The following DACH1 variants were observed in gnomAD, a reference collection of about 807,000 sequenced individuals.
DACH1 encodes dachshund homolog 1.
DACH1 carries 12 observed loss-of-function variants against 54.2 expected under a neutral mutation model. The observed-to-expected ratio is 0.22, with a 90% CI of 0.14 to 0.36. The LOEUF (loss-of-function observed/expected upper bound fraction) is 0.36, where lower values mean the gene tolerates loss of function less well. Ranked by LOEUF, DACH1 falls within the 10% of genes least tolerant of loss-of-function variation. The pLI is 1.00. For synonymous variants in DACH1, 386 were observed against 366.2 expected (o/e 1.05, Z -0.62); for missense variants, 805 against 929.8 (o/e 0.87, Z 1.75).
chr13:71,627,121 A>T (rs957654825), intron 3 of DACH1, among the ~76,000 whole-genome samples: 1 of 151,948 alleles, frequency 6.6e-6, no homozygotes, highest in Non-Finnish European at 1.5e-5. Context: ...TAAAATTGGG[A>T]TATAAAATAA....
At chr13:71,777,746 GTTTAAT>G (rs1886124277) in intron 1 of DACH1, among the ~76,000 whole-genome samples, 1 of 151,954 alleles carries the variant, frequency 6.6e-6, no homozygotes, top group South Asian at 2.1e-4. Flanking sequence ...TTTGTCAGAC[GTTTAAT>G]TTTAAGTATT....
intron 1 of DACH1, among the ~76,000 whole-genome samples, chr13:71,739,585 T>C (rs1000842256): frequency 1.3e-5 from 2 of 151,854 alleles, no homozygotes; most frequent in Admixed American, 1.3e-4. Flanking sequence ...AGACTGTCAG[T>C]TTGCACTATC....
intron 1 of DACH1, among the ~76,000 whole-genome samples, chr13:71,819,855 A>G (rs1888116613): frequency 6.6e-6 from 1 of 152,186 alleles, no homozygotes. Context: ...TCAGATATTG[A>G]CAAGGACTCA....
intron 3 of DACH1, chr13:71,573,286 T>C (rs1251887581): frequency 3.2e-6 from 2 of 616,352 alleles, no homozygotes; most frequent in South Asian, 2.0e-5. Flanking sequence ...CTTAAAATAC[T>C]AGGGTTTTCT....
intron 6 of DACH1, among the ~76,000 whole-genome samples, chr13:71,508,753 C>T (rs994620098): frequency 1.3e-5 from 2 of 152,118 alleles, no homozygotes; most frequent in Non-Finnish European, 2.9e-5. Flanking sequence ...CAGGCAGGAG[C>T]CACTGCACCT....
At chr13:71,510,413 A>G (rs944326155) in intron 6 of DACH1, among the ~76,000 whole-genome samples, 1 of 151,974 alleles carries the variant, frequency 6.6e-6, no homozygotes, top group Non-Finnish European at 1.5e-5. Context: ...AAAATGTTCA[A>G]AAAATGAACA....
intron 10 of DACH1, among the ~76,000 whole-genome samples, chr13:71,472,672 G>A (rs987376589): frequency 2.6e-5 from 4 of 151,344 alleles, no homozygotes; most frequent in African/African-American, 7.4e-5. Context: ...GACAGTTGGA[G>A]AGAGAAAGTG....
intron 3 of DACH1, among the ~76,000 whole-genome samples, chr13:71,622,069 T>C (rs972405759): frequency 1.4e-5 from 2 of 143,912 alleles, no homozygotes; most frequent in African/African-American, 5.9e-5. Flanking sequence ...CATTATTTCA[T>C]CTTAATGAAT....
intron 1 of DACH1, among the ~76,000 whole-genome samples, chr13:71,789,073 T>C (rs1328168701): frequency 6.6e-6 from 1 of 152,182 alleles, no homozygotes; most frequent in African/African-American, 2.4e-5. Flanking sequence ...AATCAGTCTG[T>C]ATTCAGTTCA....
At chr13:71,832,635 A>AT (rs929527608) in intron 1 of DACH1, among the ~76,000 whole-genome samples, 10 of 151,842 alleles carry the variant, frequency 6.6e-5, no homozygotes, top group East Asian at 5.8e-4. Context: ...AACTACCTAA[A>AT]TTTTTTTTGT....
At chr13:71,657,644 T>C (rs2138643097) in intron 2 of DACH1, among the ~76,000 whole-genome samples, 1 of 152,190 alleles carries the variant, frequency 6.6e-6, no homozygotes, top group Non-Finnish European at 1.5e-5. Flanking sequence ...TTTGACTTTC[T>C]AGTGGAGACC....
At chr13:71,756,524 G>GAA (rs573318084) in intron 1 of DACH1, among the ~76,000 whole-genome samples, 34,886 of 145,690 alleles carry the variant, frequency 0.24, 4,561 homozygotes, top group Non-Finnish European at 0.3. Context: ...TCAAAACAAT[G>GAA]AAAAAAAAAA....
At chr13:71,643,868 A>C (rs559072249) in intron 2 of DACH1, among the ~76,000 whole-genome samples, 1 of 152,306 alleles carries the variant, frequency 6.6e-6, no homozygotes, top group East Asian at 1.9e-4. Context: ...AAAAAAAGAC[A>C]AAGAGAGATT....
intron 6 of DACH1, among the ~76,000 whole-genome samples, chr13:71,500,586 T>A (rs1291567044): frequency 1.3e-5 from 2 of 152,176 alleles, no homozygotes; most frequent in Non-Finnish European, 2.9e-5. Context: ...TCATCTACAT[T>A]CTTCATTTTT....
At chr13:71,794,687 C>T (rs1435483793) in intron 1 of DACH1, among the ~76,000 whole-genome samples, 3 of 152,172 alleles carry the variant, frequency 2.0e-5, no homozygotes, top group African/African-American at 7.2e-5. Flanking sequence ...ATCCTCCCAC[C>T]TCGGCCTCCC....
chr13:71,572,962 G>C lies in DACH1; in HGVS notation c.1177C>G (p.Leu393Val). 1 of 1,614,084 alleles carries C rather than the reference G, an allele frequency of 6.2e-7. No individual in the cohort carries two copies. Among genetic ancestry groups the C allele is most frequent in the Non-Finnish European group, 8.5e-7 (1 of 1,179,974 alleles). Reference sequence around the variant, plus strand: ...GCCATGGTGACAGATGCTGGAGGTAGGCTGACAGGAATTAGAGGGTGGGGC... The same window carrying C: ...GCCATGGTGACAGATGCTGGAGGTACGCTGACAGGAATTAGAGGGTGGGGC... ...MMPHPLIPVS[L>V]PPASVTMAMS... The change falls in exon 4 of 11, where the codon CTA becomes GTA. Residue 393 changes from leucine (L) to valine (V), a missense_variant. This residue lies in a region of DACH1 where 472 missense variants were observed against 545.3 expected (regional missense o/e 0.87). Transcript: ENST00000613252.
At chr13:71,753,507 C>T (rs1885010716) in intron 1 of DACH1, among the ~76,000 whole-genome samples, 1 of 152,016 alleles carries the variant, frequency 6.6e-6, no homozygotes, top group African/African-American at 2.4e-5. Flanking sequence ...TTTTAAATGC[C>T]TTTTTCATTT....
intron 3 of DACH1, among the ~76,000 whole-genome samples, chr13:71,600,014 C>CA (rs58138458): frequency 6.6e-6 from 1 of 151,598 alleles, no homozygotes; most frequent in Non-Finnish European, 1.5e-5. Flanking sequence ...GGAATAGGGC[C>CA]AAAAAAATCA....
chr13:71,686,056 G>A (rs1222849137), intron 1 of DACH1, among the ~76,000 whole-genome samples: 1 of 152,086 alleles, frequency 6.6e-6, no homozygotes, highest in Non-Finnish European at 1.5e-5. Context: ...TTTTCTATAA[G>A]AGCGACCCAT....
Sources: allele counts gnomAD v4.1 joint callset (sites outside exome capture counted in the v4.1 genomes callset), GRCh38; gene constraint gnomAD v4.1.1; regional missense constraint gnomAD v4.1.1; transcripts MANE v1.5; gene names NCBI Gene and HGNC (gene_info 2026-07-23, HGNC 2026-07-21).